Variants in MYT1 observed in about 807,000 individuals in gnomAD.
MYT1 encodes the protein myelin transcription factor I.
In MYT1, 23 loss-of-function variants were observed where a neutral mutation model predicts 123.0. The observed-to-expected ratio is 0.19, with a 90% confidence interval of 0.13 to 0.26. The LOEUF is 0.26. Among genes scored for constraint, MYT1 ranks in the 10% least tolerant of loss-of-function variants. The pLI, the probability that MYT1 is intolerant of heterozygous loss-of-function variation, is 1.00. For synonymous variants in MYT1, 518 were observed against 575.3 expected (o/e 0.90, Z 1.43); for missense variants, 1,125 against 1,472.5 (o/e 0.76, Z 3.86).
intron 2 of MYT1, 143 bp from the exon 3 acceptor site, chr20:64,198,719 G>C: frequency 2.5e-6 from 2 of 811,132 alleles, no homozygotes; most frequent in Non-Finnish European, 4.0e-6. Context: ...CTTGTCCTGT[G>C]AGCCCATCCT....
intron 1 of MYT1, among the ~76,000 whole-genome samples, chr20:64,177,595 A>T (rs1024452931): frequency 7.8e-6 from 1 of 127,450 alleles, no homozygotes; most frequent in Admixed American, 9.2e-5. Context: ...ACCCCTCTCC[A>T]GGGGTGGGGA....
chr20:64,180,523 G>A (rs935808059), intron 1 of MYT1, among the ~76,000 whole-genome samples: 1 of 152,172 alleles, frequency 6.6e-6, no homozygotes, highest in Non-Finnish European at 1.5e-5. Context: ...CCAACCTCTG[G>A]GTCGCCACAG....
chr20:64,208,271 C>T lies in MYT1; in HGVS notation c.1075C>T (p.Arg359Trp), dbSNP rs771172500. ...TGACAAGGACGAGGACACCCACTCCCGGAAGTCAACAGTCACTGACGAGTC... is the reference window on the plus strand; with the variant it reads ...TGACAAGGACGAGGACACCCACTCCTGGAAGTCAACAGTCACTGACGAGTC... ...DDDKDEDTHS[R>W]KSTVTDESEM... Residue 359 changes from arginine to tryptophan, a missense_variant, in exon 7 of 23, where the codon CGG (arginine) becomes TGG (tryptophan). Transcript: ENST00000328439. This position sits in a 1 kb window ranked among gnomAD's most constrained non-coding sequence, Gnocchi z 5.4. The T allele has an allele frequency of 3.2e-5, 51 of 1,614,044 alleles. No individual in the cohort carries two copies. The East Asian group carries it at 5.1e-4, about 16-fold the overall frequency.
In MYT1 at chr20:64,192,895, T is replaced by C. The variant is rs1342063017; in HGVS notation, c.-1+2735T>C. ...ACCCTGGGTGGGTATAAATTCCATT[T>C]ATGCTGGAGTTTTTAACAGACGGTT... On this transcript the variant is annotated intron_variant, in intron 2 of 22. Transcript: ENST00000328439. The surrounding 1 kb of genome is among the most constrained non-coding windows in gnomAD (Gnocchi z 5.3). Among the ~76,000 whole-genome samples the C allele has an allele frequency of 6.6e-6, 1 of 152,242 alleles. No individual in the cohort carries two copies. Among genetic ancestry groups the C allele is most frequent in the African/African-American group, 2.4e-5 (1 of 41,474 alleles).
At chr20:64,201,686 C>T (rs937320293) in intron 4 of MYT1, among the ~76,000 whole-genome samples, 2 of 152,256 alleles carry the variant, frequency 1.3e-5, no homozygotes, top group African/African-American at 2.4e-5. Flanking sequence ...TTCCCCCTCC[C>T]AGAGACCTGT....
At chr20:64,204,885 G>C in intron 4 of MYT1, 150 bp from the exon 5 acceptor site, 1 of 677,086 alleles carries the variant, frequency 1.5e-6, no homozygotes, top group Non-Finnish European at 2.6e-6. Context: ...TATTTGAATG[G>C]GGCGAGTTAT....
At position 64,166,910 on chromosome 20, in the gene MYT1, G is replaced by A. The variant is rs979536012; in HGVS notation, c.-99+2171G>A. 2.6e-5 allele frequency among the ~76,000 whole-genome samples: 4 copies of A among 152,186 alleles called. No individual in the cohort carries two copies. Among genetic ancestry groups the A allele is most frequent in the Non-Finnish European group, 5.9e-5 (4 of 68,030 alleles). ...TGGGCAGCTCTGGCAGCTGACCAAC[G>A]GCAGCCTGGATGGTGGCTGGAGCTT... On this transcript the variant is annotated intron_variant, in intron 1 of 22. Coordinates refer to ENST00000328439, the MANE Select transcript of MYT1 (RefSeq NM_004535.3). This position sits in a 1 kb window ranked among gnomAD's most constrained non-coding sequence, Gnocchi z 4.9.
intron 19 of MYT1, among the ~76,000 whole-genome samples, chr20:64,234,304 C>T (rs1984429920): frequency 6.8e-6 from 1 of 146,980 alleles, no homozygotes; most frequent in Non-Finnish European, 1.5e-5. Flanking sequence ...AGGATGGGCT[C>T]CTCTGGGAGG....
Position 64,167,087 on chromosome 20 carries a change from G to C in MYT1, c.-99+2348G>C, listed in dbSNP as rs1982104035. Among the ~76,000 whole-genome samples, 1 of 152,182 alleles carries C rather than the reference G, an allele frequency of 6.6e-6. No homozygotes were observed. The highest frequency in any genetic ancestry group is 1.5e-5 in the Non-Finnish European group (1 of 68,024). On this transcript the variant is annotated intron_variant, in intron 1 of 22. Coordinates refer to ENST00000328439, the MANE Select transcript of MYT1 (RefSeq NM_004535.3). The surrounding 1 kb of genome is among the most constrained non-coding windows in gnomAD (Gnocchi z 6.3). The stretch of plus-strand genomic sequence containing the variant: ...AGGAGACCCACACCACTCTGCACTG[G>C]GGAGACAGGGGTCAGAGCCTGACTA...
In MYT1 at chr20:64,239,788, A is replaced by T. The variant is rs748429534; in HGVS notation, c.3122A>T (p.Asn1041Ile). ...TCCTCCATGGAGAAGAACCTGAAGA[A>T]CATCGAGGAGGAGAACAAGCTCATT... Reference protein sequence around the residue: ...QISSMEKNLKNIEEENKLIEE... With the variant: ...QISSMEKNLKIIEEENKLIEE... The change falls in exon 22 of 23, where the codon AAC becomes ATC. Residue 1041 changes from asparagine to isoleucine, a missense_variant. By Grantham distance (149) the Asn-to-Ile change is moderately radical. This residue lies in a region of MYT1 where 243 missense variants were observed against 323.1 expected (regional missense o/e 0.75). Coordinates refer to ENST00000328439, the MANE Select transcript of MYT1 (RefSeq NM_004535.3). 3 of 1,613,988 alleles carry T rather than the reference A, an allele frequency of 1.9e-6. No homozygotes were observed. Among genetic ancestry groups the T allele is most frequent in the South Asian group, 2.2e-5 (2 of 91,084 alleles).
At chr20:64,205,221 T>C in intron 5 of MYT1, 124 bp downstream of exon 5, 1 of 1,184,974 alleles carries the variant, frequency 8.4e-7, no homozygotes, top group Non-Finnish European at 1.2e-6. Flanking sequence ...CTGACCCTTC[T>C]GCGAGGCAGC....
At chr20:64,169,354 C>T (rs117679442) in intron 1 of MYT1, among the ~76,000 whole-genome samples, 5,476 of 152,302 alleles carry the variant, frequency 0.036, 197 homozygotes, top group South Asian at 0.18. Flanking sequence ...GTGTGCGCCT[C>T]GCTGAGCTAG....
chr20:64,239,247 T>A (rs531755719), intron 21 of MYT1, among the ~76,000 whole-genome samples: 1 of 152,268 alleles, frequency 6.6e-6, no homozygotes, highest in African/African-American at 2.4e-5. Flanking sequence ...GAGGAGGCTC[T>A]TTGTGGGGAT....
chr20:64,214,020 G>A (rs1258138754), intron 10 of MYT1, among the ~76,000 whole-genome samples: 1 of 152,240 alleles, frequency 6.6e-6, no homozygotes. Context: ...TCTGGAAAGA[G>A]CAGACTGCAC....
intron 10 of MYT1, among the ~76,000 whole-genome samples, chr20:64,215,803 TG>T (rs1407096350): frequency 2.6e-5 from 4 of 151,784 alleles, no homozygotes; most frequent in Non-Finnish European, 5.9e-5. Flanking sequence ...CTCACTAGGT[TG>T]CCCAAGCCGG....
Position 64,205,029 on chromosome 20 carries a change from C to T in MYT1, c.87-6C>T, listed in dbSNP as rs2273443. 198,357 of 1,613,634 alleles carry T rather than the reference C, an allele frequency of 0.12. 12,932 individuals carry two copies. The highest frequency in any genetic ancestry group is 0.14 in the Non-Finnish European group (159,554 of 1,179,686). The stretch of plus-strand genomic sequence containing the variant: ...GATGTGGCCTTGCCTTTTTATTTCC[C>T]CTCAGCTGCCCCACCCCAGGATGCA... On this transcript the variant is annotated splice_polypyrimidine_tract_variant and splice_region_variant and intron_variant, in intron 4 of 22. Coordinates refer to ENST00000328439, the MANE Select transcript of MYT1 (RefSeq NM_004535.3).
At position 64,203,978 on chromosome 20, in the gene MYT1, A is replaced by G. The variant is rs1046499297; in HGVS notation, c.87-1057A>G. Among the ~76,000 whole-genome samples, 1 of 152,198 alleles carries G rather than the reference A, an allele frequency of 6.6e-6. No homozygotes were observed. The highest frequency in any genetic ancestry group is 1.9e-4 in the East Asian group (1 of 5,194). ...CAAGGTCTTCCCATCTTGGCCAGGAAAGCCTCTCTCTTCCCACAAGGAGCG... is the reference window on the plus strand; with the variant it reads ...CAAGGTCTTCCCATCTTGGCCAGGAGAGCCTCTCTCTTCCCACAAGGAGCG... On this transcript the variant is annotated intron_variant, in intron 4 of 22. Transcript: ENST00000328439. The surrounding 1 kb of genome is among the most constrained non-coding windows in gnomAD (Gnocchi z 5.1).
At chr20:64,222,323 G>C (rs528073045) in intron 14 of MYT1, among the ~76,000 whole-genome samples, 1 of 152,234 alleles carries the variant, frequency 6.6e-6, no homozygotes, top group Admixed American at 6.5e-5. Context: ...GCAGGGCAGG[G>C]GCAGAGTGGA....
In MYT1 at chr20:64,185,686, C is replaced by G. The variant is rs1043633767; in HGVS notation, c.-98-4377C>G. ...GGGCTCAGGCCAGATTCCAGGCTAC[C>G]GAGCCAGCATGAAAACAGCCACGGT... On this transcript the variant is annotated intron_variant, in intron 1 of 22. Transcript: ENST00000328439. The surrounding 1 kb of genome is among the most constrained non-coding windows in gnomAD (Gnocchi z 4.5). Among the ~76,000 whole-genome samples, 7 of 152,160 alleles carry G rather than the reference C, an allele frequency of 4.6e-5. No individual in the cohort carries two copies. Among genetic ancestry groups the G allele is most frequent in the African/African-American group, 7.2e-5 (3 of 41,438 alleles).
Sources: allele counts gnomAD v4.1 joint callset (sites outside exome capture counted in the v4.1 genomes callset), GRCh38; gene constraint gnomAD v4.1.1; regional missense constraint gnomAD v4.1.1; non-coding constraint Gnocchi (gnomAD v3.1); transcripts MANE v1.5; gene names NCBI Gene and HGNC (gene_info 2026-07-23, HGNC 2026-07-21).